The following CCND3 variants were observed in gnomAD, a reference collection of about 807,000 sequenced individuals.
CCND3 encodes G1/S-specific cyclin-D3.
Under a neutral mutation model 28.7 loss-of-function variants are expected in CCND3, and 9 were observed. The observed-to-expected ratio is 0.31, with a 90% CI of 0.19 to 0.55. CCND3 has a LOEUF of 0.55. Among genes scored for constraint, CCND3 ranks in the 20% least tolerant of loss-of-function variants. The pLI, the probability that CCND3 is intolerant of heterozygous loss-of-function variation, is 0.93. For synonymous variants in CCND3, 164 were observed against 163.9 expected, an observed-to-expected ratio of 1.00 and a Z score of 0.00; for missense variants, 315 against 385.8, an observed-to-expected ratio of 0.82 and a Z score of 1.54.
chr6:41,986,870 C>T (rs766628088), intron 1 of CCND3, among the ~76,000 whole-genome samples: 8 of 151,992 alleles, frequency 5.3e-5, no homozygotes, highest in Non-Finnish European at 1.0e-4. Context: ...AGGATTTTCA[C>T]TTTGGAAATG....
At chr6:41,957,702 T>A (rs1222765628) in intron 1 of CCND3, among the ~76,000 whole-genome samples, 1 of 152,158 alleles carries the variant, frequency 6.6e-6, no homozygotes, top group African/African-American at 2.4e-5. Context: ...CTGGAAGAGG[T>A]ACCCTGCATG....
At chr6:42,026,511 C>T (rs1444844507) in intron 1 of CCND3, among the ~76,000 whole-genome samples, 1 of 152,130 alleles carries the variant, frequency 6.6e-6, no homozygotes, top group East Asian at 1.9e-4. Context: ...AGAAGTCCAG[C>T]TGGGAACATT....
At chr6:41,991,293 AGGTGATCCACCCGCCTTG>A (rs1303328865) in intron 1 of CCND3, among the ~76,000 whole-genome samples, 3 of 152,148 alleles carry the variant, frequency 2.0e-5, no homozygotes, top group Non-Finnish European at 4.4e-5. Flanking sequence ...TCCTGACCTC[AGGTGATCCACCCGCCTTG>A]GTCTCCCAAA....
chr6:41,937,283 C>T lies in CCND3; in HGVS notation c.526G>A (p.Ala176Thr). The change falls in exon 3 of 5, where the codon GCC becomes ACC. Residue 176 changes from alanine to threonine, a missense_variant. By Grantham distance (58) the Ala-to-Thr change is moderately conservative. Coordinates refer to ENST00000372991, the MANE Select transcript of CCND3 (RefSeq NM_001760.5). ...GTCTGGGCATGCTTTTTGACCAAGG[C>T]CTGTCGGTCACGGGGCAGAGAGAGC... Reference protein sequence around the residue: ...HRLSLPRDRQALVKKHAQTFL... With the variant: ...HRLSLPRDRQTLVKKHAQTFL... 6.2e-7 allele frequency: 1 copy of T among 1,614,176 alleles called. No homozygotes were observed. Among genetic ancestry groups the T allele is most frequent in the South Asian group, 1.1e-5 (1 of 91,086 alleles).
At chr6:41,965,058 CTTTTTTTTTTTTTT>C (rs56138276) in intron 1 of CCND3, among the ~76,000 whole-genome samples, 7 of 82,094 alleles carry the variant, frequency 8.5e-5, no homozygotes, top group African/African-American at 2.2e-4. Context: ...TTTCACGTTG[CTTTTTTTTTTTTTT>C]TTTTTTTTTT....
upstream of CCND3, among the ~76,000 whole-genome samples, chr6:41,942,807 C>T (rs926360900): frequency 6.6e-6 from 1 of 152,028 alleles, no homozygotes; most frequent in Non-Finnish European, 1.5e-5. Flanking sequence ...GGATCCCTGC[C>T]CTACTGGGGT....
In CCND3 at chr6:41,976,525, C is replaced by T. The variant is rs111444289; in HGVS notation, c.-45-35940G>A. ...AAAATTAGCCAGGTGTGGTGGCACA[C>T]ACCTGTAGTCTCAGAAACTTGGGGA... On this transcript the variant is annotated intron_variant, in intron 1 of 4. Coordinates refer to the CCND3 transcript ENST00000372988. Among the ~76,000 whole-genome samples, 16 of 152,114 alleles carry T rather than the reference C, an allele frequency of 1.1e-4. 2 individuals carry two copies. The highest frequency in any genetic ancestry group is 3.4e-4 in the African/African-American group (14 of 41,498).
rs1205562838 is a variant in CCND3, at chr6:42,013,917, CA to C, written c.-46+34583del. On this transcript the variant is annotated intron_variant, in intron 1 of 4. Transcript: ENST00000372988. ...TAAAACTCCATTTCCACGAAAGATA[CA>C]AAAATTAGCTGGGCGTGGTGGTGTG... Among the ~76,000 whole-genome samples the C allele has an allele frequency of 2.6e-4, 39 of 151,414 alleles. No homozygotes were observed. The Admixed American group carries it at 2.6e-3, about 10-fold the overall frequency.
intron 1 of CCND3, among the ~76,000 whole-genome samples, chr6:42,014,332 C>A (rs1241861884): frequency 6.6e-6 from 1 of 152,114 alleles, no homozygotes; most frequent in Non-Finnish European, 1.5e-5. Flanking sequence ...GGCGCCACTG[C>A]ACTCCAGCCT....
intron 1 of CCND3, among the ~76,000 whole-genome samples, chr6:41,969,654 T>C (rs1277565283): frequency 1.3e-5 from 2 of 152,024 alleles, no homozygotes; most frequent in African/African-American, 4.8e-5. Context: ...GAGAATCGCT[T>C]GAACCCGGGA....
intron 1 of CCND3, among the ~76,000 whole-genome samples, chr6:41,956,754 C>T (rs936337082): frequency 6.6e-6 from 1 of 152,018 alleles, no homozygotes; most frequent in African/African-American, 2.4e-5. Flanking sequence ...GGTGGCCAGG[C>T]GCGGTGGCTC....
rs58855970 is a variant in CCND3, at chr6:41,951,575, C to CAAA, written c.-45-10993_-45-10991dup. Reference sequence around the variant, plus strand: ...ACACACACACACACACACACACACACAAAAAAAAAGATTAAGTGGGAGTAA... The same window carrying CAAA: ...ACACACACACACACACACACACACACAAAAAAAAAAAAGATTAAGTGGGAGTAA... On this transcript the variant is annotated intron_variant, in intron 1 of 4. Transcript: ENST00000372988. Among the ~76,000 whole-genome samples the CAAA allele has an allele frequency of 1.0e-3, 70 of 70,188 alleles. 4 individuals carry two copies. Among genetic ancestry groups the CAAA allele is most frequent in the African/African-American group, 2.3e-3 (40 of 17,024 alleles). The allele number at this position is 70,188 out of a possible 152,430, so 46.0% of individuals were successfully genotyped here.
intron 1 of CCND3, among the ~76,000 whole-genome samples, chr6:41,955,824 T>C (rs1297260452): frequency 1.3e-5 from 2 of 152,042 alleles, no homozygotes; most frequent in East Asian, 3.9e-4. Flanking sequence ...TGGTGGTGCA[T>C]GCCTGCAGTC....
intron 1 of CCND3, among the ~76,000 whole-genome samples, chr6:41,951,360 C>A (rs1325927953): frequency 6.6e-6 from 1 of 151,558 alleles, no homozygotes; most frequent in African/African-American, 2.4e-5. Flanking sequence ...CGAGACCAAC[C>A]TGGCCAATAT....
At chr6:42,033,448 T>TA (rs1175853279) in intron 1 of CCND3, among the ~76,000 whole-genome samples, 1,558 of 126,706 alleles carry the variant, frequency 0.012, 30 homozygotes, top group African/African-American at 0.042. Flanking sequence ...AGACTCCATC[T>TA]AAAAAAAAAA....
intron 1 of CCND3, among the ~76,000 whole-genome samples, chr6:42,015,851 A>T (rs532576404): frequency 1.1e-4 from 17 of 152,064 alleles, no homozygotes; most frequent in Non-Finnish European, 2.2e-4. Flanking sequence ...ATTGCCTCAC[A>T]TTTTTTTGTG....
chr6:42,004,883 T>C (rs1763133307), intron 1 of CCND3, among the ~76,000 whole-genome samples: 1 of 152,228 alleles, frequency 6.6e-6, no homozygotes, highest in Admixed American at 6.5e-5. Context: ...TCTATTTATC[T>C]ATAGTCATAA....
chr6:42,014,064 C>T (rs1763419836), intron 1 of CCND3, among the ~76,000 whole-genome samples: 1 of 140,412 alleles, frequency 7.1e-6, no homozygotes, highest in Non-Finnish European at 1.5e-5. Flanking sequence ...GAGGGAGACT[C>T]CATCTCAAAA....
intron 1 of CCND3, among the ~76,000 whole-genome samples, chr6:41,981,498 CGGCCATG>C (rs1762346048): frequency 1.0e-5 from 1 of 96,760 alleles, no homozygotes; most frequent in African/African-American, 3.0e-5. Context: ...CCACCACGCC[CGGCCATG>C]AGCCACCACG....
Sources: gnomAD v4.1 joint callset for allele counts (sites outside exome capture counted in the v4.1 genomes callset) on GRCh38, gnomAD v4.1.1 for gene constraint, MANE v1.5 for transcripts, NCBI Gene and HGNC (gene_info 2026-07-23, HGNC 2026-07-21) for gene names.